The following GRID2 variants were observed in gnomAD, a reference collection of about 807,000 sequenced individuals.
GRID2 encodes the protein glutamate receptor ionotropic, delta-2.
Under a neutral mutation model 114.8 loss-of-function variants are expected in GRID2, and 33 were observed. The observed-to-expected ratio is 0.29, with a 90% CI of 0.22 to 0.38. GRID2 has a LOEUF of 0.38. GRID2 is among the 10% of genes least tolerant of loss of function. The probability of loss-of-function intolerance (pLI) is 1.00; values close to 1 mark genes in which losing one functional copy is unlikely to be tolerated. For missense variants in GRID2, 1,184 were observed against 1,257.7 expected (o/e 0.94, Z 0.89); for synonymous variants, 505 against 449.9 (o/e 1.12, Z -1.55).
intron 1 of GRID2, among the ~76,000 whole-genome samples, chr4:92,375,144 C>T (rs1729294705): frequency 6.6e-6 from 1 of 152,082 alleles, no homozygotes; most frequent in East Asian, 1.9e-4. Context: ...AATCATGGGA[C>T]TGTGGACCAG....
intron 14 of GRID2, among the ~76,000 whole-genome samples, chr4:93,746,979 A>G (rs1731896816): frequency 1.3e-5 from 2 of 151,992 alleles, no homozygotes; most frequent in Non-Finnish European, 2.9e-5. Context: ...TTTGGTATGT[A>G]TGTGTTTTAT....
intron 1 of GRID2, among the ~76,000 whole-genome samples, chr4:92,354,211 T>C (rs1403131335): frequency 6.6e-6 from 1 of 151,966 alleles, no homozygotes; most frequent in Admixed American, 6.6e-5. Context: ...CATCAATGAG[T>C]GGGGCGAGGA....
chr4:93,219,155 A>C (rs1438914053), intron 6 of GRID2, among the ~76,000 whole-genome samples: 1 of 152,222 alleles, frequency 6.6e-6, no homozygotes, highest in Non-Finnish European at 1.5e-5. Flanking sequence ...AAATAGAAAA[A>C]AAGGAAAGAA....
At chr4:93,494,709 A>G (rs894877336) in intron 12 of GRID2, among the ~76,000 whole-genome samples, 4 of 151,752 alleles carry the variant, frequency 2.6e-5, no homozygotes, top group African/African-American at 7.2e-5. Context: ...GGGAAAAAAA[A>G]TGCCATTTCC....
intron 13 of GRID2, among the ~76,000 whole-genome samples, chr4:93,599,945 C>T (rs913579393): frequency 2.1e-4 from 32 of 152,324 alleles, no homozygotes; most frequent in African/African-American, 6.5e-4. Flanking sequence ...GGCATTCATA[C>T]TGCCCTTAAA....
intron 14 of GRID2, among the ~76,000 whole-genome samples, chr4:93,745,824 T>TTTTG (rs750673925): frequency 1.3e-5 from 2 of 152,198 alleles, no homozygotes; most frequent in Non-Finnish European, 1.5e-5. Flanking sequence ...TTTATTTCTT[T>TTTTG]TTTGTTTGTT....
chr4:92,641,808 T>G (rs948119133), intron 2 of GRID2, among the ~76,000 whole-genome samples: 21 of 151,620 alleles, frequency 1.4e-4, no homozygotes, highest in Non-Finnish European at 2.7e-4. Flanking sequence ...TCCAGTAGTC[T>G]TCAGTGTCTA....
chr4:93,712,444 C>T (rs899943859), intron 14 of GRID2, among the ~76,000 whole-genome samples: 6 of 152,080 alleles, frequency 3.9e-5, no homozygotes, highest in African/African-American at 1.4e-4. Context: ...TAACCATTCC[C>T]ATTGAGTTAT....
intron 2 of GRID2, among the ~76,000 whole-genome samples, chr4:92,805,310 G>T (rs1358357571): frequency 6.6e-6 from 1 of 151,528 alleles, no homozygotes; most frequent in Non-Finnish European, 1.5e-5. Flanking sequence ...AAAATAAATG[G>T]ATTAAATTGG....
chr4:92,981,937 G>T (rs78151123), intron 2 of GRID2, among the ~76,000 whole-genome samples: 6,241 of 148,742 alleles, frequency 0.042, 183 homozygotes, highest in Non-Finnish European at 0.056. Flanking sequence ...TGCTGAGTTT[G>T]CCCAGGACAA....
intron 8 of GRID2, among the ~76,000 whole-genome samples, chr4:93,270,215 T>TACACATACAC (rs1751292476): frequency 7.3e-6 from 1 of 137,088 alleles, no homozygotes; most frequent in African/African-American, 2.6e-5. Flanking sequence ...CACACACACA[T>TACACATACAC]ACACACACAC....
intron 2 of GRID2, among the ~76,000 whole-genome samples, chr4:92,759,767 CTTT>C (rs1279340166): frequency 6.6e-6 from 1 of 150,598 alleles, no homozygotes; most frequent in Admixed American, 6.6e-5. Flanking sequence ...CCATGCCGGG[CTTT>C]TTTTTCTTCT....
intron 12 of GRID2, among the ~76,000 whole-genome samples, chr4:93,508,276 C>A (rs1052658381): frequency 2.7e-5 from 4 of 149,980 alleles, no homozygotes; most frequent in African/African-American, 7.4e-5. Context: ...CGGCTCACTG[C>A]AACCTCTGCC....
intron 2 of GRID2, among the ~76,000 whole-genome samples, chr4:92,808,512 CA>C (rs1740521517): frequency 6.6e-6 from 1 of 151,908 alleles, no homozygotes; most frequent in Admixed American, 6.6e-5. Context: ...AAAATTTAAG[CA>C]AAGGAAGTGA....
intron 8 of GRID2, among the ~76,000 whole-genome samples, chr4:93,372,722 T>A (rs957674609): frequency 6.6e-6 from 1 of 152,150 alleles, no homozygotes; most frequent in African/African-American, 2.4e-5. Flanking sequence ...CATGGATATG[T>A]GCTTTAATAG....
intron 1 of GRID2, among the ~76,000 whole-genome samples, chr4:92,498,631 A>G (rs1224396527): frequency 6.6e-6 from 1 of 151,966 alleles, no homozygotes; most frequent in African/African-American, 2.4e-5. Context: ...CTAGGAATAA[A>G]TAAATAAAAC....
intron 8 of GRID2, among the ~76,000 whole-genome samples, chr4:93,285,176 A>G (rs533901905): frequency 6.6e-6 from 1 of 151,766 alleles, no homozygotes; most frequent in Non-Finnish European, 1.5e-5. Context: ...AATAAAAAAT[A>G]TTTCTCAAGT....
intron 9 of GRID2, among the ~76,000 whole-genome samples, chr4:93,404,599 G>A (rs1202872133): frequency 2.0e-5 from 3 of 152,154 alleles, no homozygotes; most frequent in Non-Finnish European, 4.4e-5. Flanking sequence ...TACATGCAAA[G>A]AACAAAGACC....
intron 1 of GRID2, among the ~76,000 whole-genome samples, chr4:92,398,413 G>A (rs1477467898): frequency 2.0e-5 from 3 of 152,026 alleles, no homozygotes; most frequent in Non-Finnish European, 2.9e-5. Flanking sequence ...TGATCCTCCT[G>A]CCTCGGCCTC....
Sources: gnomAD v4.1 joint callset for allele counts (sites outside exome capture counted in the v4.1 genomes callset) on GRCh38, gnomAD v4.1.1 for gene constraint, MANE v1.5 for transcripts, NCBI Gene and HGNC (gene_info 2026-07-23, HGNC 2026-07-21) for gene names.